The following SIM2 variants were observed in gnomAD, a reference collection of about 807,000 sequenced individuals.
SIM2 encodes the protein SIM bHLH transcription factor 2, also known as single-minded homolog 2.
Under a neutral mutation model 64.8 loss-of-function variants are expected in SIM2, and 28 were observed. The ratio of observed to expected loss-of-function variants is 0.43; its 90% confidence interval spans 0.32 to 0.59. The LOEUF (loss-of-function observed/expected upper bound fraction) is 0.59, where lower values mean the gene tolerates loss of function less well. Ranked by LOEUF, SIM2 falls within the 20% of genes least tolerant of loss-of-function variation. SIM2 has a pLI of 0.07. For missense variants in SIM2, 847 were observed against 871.4 expected (o/e 0.97, Z 0.35); for synonymous variants, 408 against 391.1 (o/e 1.04, Z -0.51).
intron 7 of SIM2, among the ~76,000 whole-genome samples, chr21:36,737,136 C>G (rs900515965): frequency 6.6e-6 from 1 of 152,110 alleles, no homozygotes. Context: ...GCTATGTTGC[C>G]CAGGCTGGGC....
rs983877563 is a variant in SIM2, at chr21:36,738,191, G to A, written c.851-3526G>A. Among the ~76,000 whole-genome samples the A allele has an allele frequency of 5.3e-5, 8 of 151,832 alleles. No individual in the cohort carries two copies. In the East Asian group the frequency reaches 1.2e-3, roughly 22 times the overall value. On this transcript the variant is annotated intron_variant, in intron 7 of 10. Transcript: ENST00000290399. ...AGGTGAGCCCACCTCACCCCCATAC[G>A]TATTATTCAATGTATTACTTTGAAA...
Position 36,747,660 on chromosome 21 carries a change from C to T in SIM2, c.1577-5C>T, listed in dbSNP as rs566080591. The T allele has an allele frequency of 6.7e-5, 84 of 1,248,104 alleles. 1 individual carries two copies. The African/African-American group carries it at 8.8e-4, about 13-fold the overall frequency. The allele number at this position is 1,248,104 out of a possible 1,614,324, so 77.3% of individuals were successfully genotyped here. On this transcript the variant is annotated splice_polypyrimidine_tract_variant and splice_region_variant and intron_variant, in intron 10 of 10. Transcript: ENST00000290399. This position sits in a 1 kb window ranked among gnomAD's most constrained non-coding sequence, Gnocchi z 4.5. ...TGCCCTCTAACGTGTCGCCTGTCCCCGCAGCGCCCGCCGCCGCCGTGCGCA... is the reference window on the plus strand; with the variant it reads ...TGCCCTCTAACGTGTCGCCTGTCCCTGCAGCGCCCGCCGCCGCCGTGCGCA...
At chr21:36,712,500 T>G in intron 2 of SIM2, 33 bp from the exon 3 acceptor site, 1 of 1,405,766 alleles carries the variant, frequency 7.1e-7, no homozygotes, top group Non-Finnish European at 1.0e-6. Context: ...TGTAGAATGA[T>G]CATCTCTTAT....
At chr21:36,732,843 G>A (rs569415504) in intron 7 of SIM2, among the ~76,000 whole-genome samples, 1 of 152,228 alleles carries the variant, frequency 6.6e-6, no homozygotes, top group Non-Finnish European at 1.5e-5. Context: ...AGATATCCAG[G>A]AGACTTGATC....
chr21:36,715,377 T>C (rs2088733598), intron 3 of SIM2, among the ~76,000 whole-genome samples: 1 of 152,244 alleles, frequency 6.6e-6, no homozygotes, highest in South Asian at 2.1e-4. Flanking sequence ...TTGCACCTTT[T>C]AGATTATTTT....
Sources: allele counts gnomAD v4.1 joint callset (sites outside exome capture counted in the v4.1 genomes callset), GRCh38; gene constraint gnomAD v4.1.1; non-coding constraint Gnocchi (gnomAD v3.1); transcripts MANE v1.5; gene names NCBI Gene and HGNC (gene_info 2026-07-23, HGNC 2026-07-21).